The following GSE1 variants were observed in gnomAD, a reference collection of about 807,000 sequenced individuals.
GSE1 encodes the protein genetic suppressor element 1.
GSE1 carries 32 observed loss-of-function variants against 112.6 expected under a neutral mutation model. The observed-to-expected ratio is 0.28, with a 90% CI of 0.21 to 0.38. The LOEUF (loss-of-function observed/expected upper bound fraction) is 0.38. Among genes scored for constraint, GSE1 ranks in the 10% least tolerant of loss-of-function variants. The pLI is 1.00. For synonymous variants in GSE1, 1,115 were observed against 735.6 expected (o/e 1.52, Z -8.35); for missense variants, 2,348 against 1,699.2 (o/e 1.38, Z -6.71).
At chr16:85,197,146 C>A (rs1396238647) in intron 1 of GSE1, among the ~76,000 whole-genome samples, 1 of 152,130 alleles carries the variant, frequency 6.6e-6, no homozygotes, top group Non-Finnish European at 1.5e-5. Flanking sequence ...CCTGGCCCCT[C>A]GGAGCTCGGA....
intron 1 of GSE1, among the ~76,000 whole-genome samples, chr16:85,619,672 G>C (rs756715533): frequency 6.6e-6 from 1 of 152,234 alleles, no homozygotes; most frequent in Admixed American, 6.5e-5. Flanking sequence ...TCTGTATCCA[G>C]AGGTGCTGTG....
At chr16:85,662,839 T>C (rs2052542891) in intron 9 of GSE1, 142 bp from the exon 10 acceptor site, 5 of 621,838 alleles carry the variant, frequency 8.0e-6, no homozygotes, top group South Asian at 5.7e-5. Flanking sequence ...TCCACCTCGG[T>C]TGAAAGGAAC....
chr16:85,347,261 C>G (rs892011753), intron 1 of GSE1, among the ~76,000 whole-genome samples: 1 of 152,096 alleles, frequency 6.6e-6, no homozygotes, highest in East Asian at 1.9e-4. Context: ...CGTGGTGAGC[C>G]GGTCTGAGCT....
rs1476849601 is a variant in GSE1, at chr16:85,494,161, C to G, written c.2464+136518C>G. 3.9e-5 allele frequency among the ~76,000 whole-genome samples: 6 copies of G among 152,246 alleles called. 1 individual carries two copies. Among genetic ancestry groups the G allele is most frequent in the Non-Finnish European group, 8.8e-5 (6 of 68,052 alleles). ...GGGCTTATAACAACAGAAGCATATTCTCTCCCAGTTCTGGAGGCCACAAGT... is the reference window on the plus strand; with the variant it reads ...GGGCTTATAACAACAGAAGCATATTGTCTCCCAGTTCTGGAGGCCACAAGT... On this transcript the variant is annotated intron_variant, in intron 2 of 2. Transcript: ENST00000637419.
At chr16:85,382,089 C>T (rs2047559517) in intron 2 of GSE1, among the ~76,000 whole-genome samples, 4 of 152,374 alleles carry the variant, frequency 2.6e-5, no homozygotes, top group South Asian at 2.1e-4. Context: ...TTGGCTCCTC[C>T]GCTGTGATCA....
intron 1 of GSE1, among the ~76,000 whole-genome samples, chr16:85,563,742 G>A (rs948180992): frequency 2.6e-5 from 4 of 152,218 alleles, no homozygotes; most frequent in Non-Finnish European, 5.9e-5. Context: ...GTGGGGTCAG[G>A]AAGTCACGGA....
At chr16:85,231,622 T>A (rs1904287977) in intron 1 of GSE1, among the ~76,000 whole-genome samples, 3 of 152,046 alleles carry the variant, frequency 2.0e-5, no homozygotes, top group Non-Finnish European at 4.4e-5. Context: ...AATAGAGGGG[T>A]GGCTAGTTGG....
intron 1 of GSE1, among the ~76,000 whole-genome samples, chr16:85,601,183 T>C (rs1329289143): frequency 6.6e-6 from 1 of 151,734 alleles, no homozygotes; most frequent in Non-Finnish European, 1.5e-5. Flanking sequence ...GTGAGACGCT[T>C]CCAGACGCCC....
At chr16:85,478,836 TTATTTTCTTTCTTTCTTTC>T (rs2050545727) in intron 2 of GSE1, among the ~76,000 whole-genome samples, 1 of 143,296 alleles carries the variant, frequency 7.0e-6, no homozygotes, top group East Asian at 2.4e-4. Flanking sequence ...CCCCGCTCAT[TTATTTTCTTTCTTTCTTTC>T]TTTCTTTCTT....
chr16:85,256,284 T>C (rs893356619), intron 1 of GSE1, among the ~76,000 whole-genome samples: 1 of 152,066 alleles, frequency 6.6e-6, no homozygotes, highest in Non-Finnish European at 1.5e-5. Context: ...ATAATAATAA[T>C]GACAACAGCC....
chr16:85,345,966 A>G (rs1260143595), intron 1 of GSE1, among the ~76,000 whole-genome samples: 3 of 151,926 alleles, frequency 2.0e-5, no homozygotes, highest in Middle Eastern at 3.2e-3. Context: ...GGACACGTCA[A>G]TGAATGGACA....
At chr16:85,345,203 G>A (rs1441153316) in intron 1 of GSE1, among the ~76,000 whole-genome samples, 1 of 152,094 alleles carries the variant, frequency 6.6e-6, no homozygotes, top group Non-Finnish European at 1.5e-5. Context: ...TTTTTAAATG[G>A]TTGCCAAAAA....
chr16:85,260,621 C>G (rs1907588897), intron 1 of GSE1, among the ~76,000 whole-genome samples: 1 of 152,216 alleles, frequency 6.6e-6, no homozygotes, highest in Non-Finnish European at 1.5e-5. Flanking sequence ...CCGCACCCAG[C>G]CAGGTCAAAC....
chr16:85,278,898 A>G (rs1456916490), intron 1 of GSE1: 4 of 172,942 alleles, frequency 2.3e-5, no homozygotes, highest in Non-Finnish European at 3.8e-5. Context: ...AAATCTGCGA[A>G]TGACTCTTTC....
chr16:85,256,987 G>A (rs1907151806), intron 1 of GSE1, among the ~76,000 whole-genome samples: 1 of 152,072 alleles, frequency 6.6e-6, no homozygotes. Flanking sequence ...TGTATTGGAT[G>A]GTGCTGCTCT....
chr16:85,669,899 G>A (rs996341422), intron 14 of GSE1, among the ~76,000 whole-genome samples: 1 of 152,224 alleles, frequency 6.6e-6, no homozygotes, highest in African/African-American at 2.4e-5. Context: ...TGTCAGGCAT[G>A]ACCTGCGCTG....
intron 1 of GSE1, among the ~76,000 whole-genome samples, chr16:85,633,371 T>G (rs868068583): frequency 1.1e-4 from 16 of 152,308 alleles, no homozygotes; most frequent in Middle Eastern, 3.4e-3. Context: ...TAGTTTCCTT[T>G]TCTGTAACGT....
intron 2 of GSE1, among the ~76,000 whole-genome samples, chr16:85,421,097 G>A (rs1050741506): frequency 6.6e-6 from 1 of 152,212 alleles, no homozygotes; most frequent in Non-Finnish European, 1.5e-5. Flanking sequence ...GATATGTTTG[G>A]TGTTGAGCAC....
intron 2 of GSE1, among the ~76,000 whole-genome samples, chr16:85,374,348 C>T (rs11643721): frequency 0.19 from 26,932 of 143,942 alleles, 2,712 homozygotes; most frequent in South Asian, 0.26. Flanking sequence ...TGTGGTCGCG[C>T]GTGGCCCTCG....
Sources: gnomAD v4.1 joint callset for allele counts (sites outside exome capture counted in the v4.1 genomes callset) on GRCh38, gnomAD v4.1.1 for gene constraint, MANE v1.5 for transcripts, NCBI Gene and HGNC (gene_info 2026-07-23, HGNC 2026-07-21) for gene names.